Variants in FANCA observed in about 807,000 individuals in gnomAD.
FANCA encodes FA complementation group A.
A neutral mutation model predicts 194.3 loss-of-function variants in FANCA; 236 were observed. That is an observed-to-expected ratio of 1.21 (90% CI 1.09 to 1.35). The LOEUF is 1.35. Ranked by LOEUF, FANCA falls within the 40% of genes most tolerant of loss-of-function variation. The pLI is 0.00. For synonymous variants in FANCA, 1,014 were observed against 715.8 expected, an observed-to-expected ratio of 1.42 and a Z score of -6.65; for missense variants, 2,628 against 1,813.9, an observed-to-expected ratio of 1.45 and a Z score of -8.15.
In FANCA at chr16:89,782,097, C is replaced by T. The variant is rs865811457; in HGVS notation, c.1626+762G>A. Among the ~76,000 whole-genome samples, 17 of 151,982 alleles carry T rather than the reference C, an allele frequency of 1.1e-4. No individual in the cohort carries two copies. The Middle Eastern group carries it at 0.014, about 123-fold the overall frequency. ...GCTATAAAAACAGTTAACACTTGGC[C>T]AGGAGCAGTGGCTCACACCTATAAT... On this transcript the variant is annotated intron_variant, in intron 17 of 42. Transcript: ENST00000389301.
chr16:89,743,141 A>G lies in FANCA; in HGVS notation c.3627-203T>C, dbSNP rs2286392. On this transcript the variant is annotated intron_variant, in intron 36 of 42. Coordinates refer to ENST00000389301, the MANE Select transcript of FANCA (RefSeq NM_000135.4). ...GGGCAGGTGCTGGTGCTGCCCCCAC[A>G]GCATCCTGGCGTTCTGAGAGCTGCT... Among the ~76,000 whole-genome samples, 19,831 of 152,168 alleles carry G rather than the reference A, an allele frequency of 0.13. 1,615 individuals carry two copies. Among genetic ancestry groups the G allele is most frequent in the East Asian group, 0.22 (1,147 of 5,166 alleles).
At chr16:89,781,377 A>C (rs1337880706) in intron 17 of FANCA, among the ~76,000 whole-genome samples, 3 of 150,084 alleles carry the variant, frequency 2.0e-5, no homozygotes, top group South Asian at 2.1e-4. Context: ...AAAAAAAAAA[A>C]AAAAAAAAAC....
intron 28 of FANCA, among the ~76,000 whole-genome samples, chr16:89,763,750 T>C (rs2039029624): frequency 6.6e-6 from 1 of 151,014 alleles, no homozygotes; most frequent in African/African-American, 2.4e-5. Flanking sequence ...CAGCCTAACA[T>C]GGTGAAACCC....
chr16:89,776,231 G>T (rs1332912412), intron 20 of FANCA, among the ~76,000 whole-genome samples: 2 of 139,934 alleles, frequency 1.4e-5, no homozygotes, highest in South Asian at 4.6e-4. Flanking sequence ...GCAGTGGTGC[G>T]ATCTCGGCTC....
Position 89,778,964 on chromosome 16 carries a change from G to C in FANCA, c.1755C>G (p.Pro585=), listed in dbSNP as rs144704750. ...RRPYYVSHFL[P]ALLTPRVLPK... ...TGACCACTCGAGGTGTGAGCAGGGCGGGGAGGAAGTGGGACACGTAGTAAG... is the reference window on the plus strand; with the variant it reads ...TGACCACTCGAGGTGTGAGCAGGGCCGGGAGGAAGTGGGACACGTAGTAAG... The change falls in exon 19 of 43, where the codon CCC becomes CCG. Residue 585 remains proline (P), a synonymous_variant. Transcript: ENST00000389301. 4.6e-5 allele frequency: 74 copies of C among 1,614,108 alleles called. No individual in the cohort carries two copies. The African/African-American group carries it at 8.3e-4, about 18-fold the overall frequency.
At chr16:89,755,856 C>T (rs972848841) in intron 30 of FANCA, among the ~76,000 whole-genome samples, 2 of 151,980 alleles carry the variant, frequency 1.3e-5, no homozygotes, top group African/African-American at 2.4e-5. Flanking sequence ...CCACACGGCA[C>T]GGCCCACCGC....
At position 89,738,950 on chromosome 16, in the gene FANCA, T is replaced by C. The variant is rs2151710869; in HGVS notation, c.4192A>G (p.Lys1398Glu). 7.4e-6 allele frequency: 12 copies of C among 1,614,220 alleles called. No individual in the cohort carries two copies. The highest frequency in any genetic ancestry group is 1.0e-5 in the Non-Finnish European group (12 of 1,180,042). ...GQGNPVELIT[K>E]ARLFLLQLIP... ...AACTGCAGCAGAAAAAGACGAGCTT[T>C]TGTTATCAGTTCCACGGGGTTGCCC... Residue 1398 changes from lysine (K) to glutamate (E), a missense_variant, in exon 42 of 43, where the codon AAA becomes GAA. Lys to Glu is a moderately conservative substitution (Grantham distance 56). Transcript: ENST00000389301.
In FANCA at chr16:89,810,606, G is replaced by C. The variant is rs888527198; in HGVS notation, c.522+101C>G. ...ACTCTCTGTAATTAATGAGAAGCTTGGAGAATTCCCAAGAAAACCCAGGTA... is the reference window on the plus strand; with the variant it reads ...ACTCTCTGTAATTAATGAGAAGCTTCGAGAATTCCCAAGAAAACCCAGGTA... On this transcript the variant is annotated intron_variant, in intron 5 of 42. Transcript: ENST00000389301. 6.7e-5 allele frequency: 55 copies of C among 817,540 alleles called. No homozygotes were observed. The African/African-American group carries it at 7.9e-4, about 12-fold the overall frequency. The allele number at this position is 817,540 out of a possible 1,614,324, so 50.6% of individuals were successfully genotyped here.
rs1351681588 is a variant in FANCA, at chr16:89,746,868, C to T, written c.3371G>A (p.Gly1124Asp). 1.3e-6 allele frequency: 2 copies of T among 1,560,330 alleles called. No homozygotes were observed. The highest frequency in any genetic ancestry group is 1.2e-5 in the South Asian group (1 of 85,052). ...GGCAGTGATGTCCTGTGTCAGGGCA[C>T]CTCCGTGGGAGCAGAAGTTTCTCTG... ...SEMRNFCSHGGALTQDITAHF... is the reference protein window; with the variant it reads ...SEMRNFCSHGDALTQDITAHF... The change falls in exon 34 of 43, where the codon GGT becomes GAT. Residue 1124 changes from glycine (G) to aspartate (D), a missense_variant. Transcript: ENST00000389301.
chr16:89,750,808 CAGG>C (rs1471194835), intron 31 of FANCA, among the ~76,000 whole-genome samples: 6 of 152,062 alleles, frequency 3.9e-5, no homozygotes, highest in Non-Finnish European at 7.4e-5. Context: ...AAAAAAACAG[CAGG>C]AGGACACTCA....
chr16:89,761,431 A>AG (rs1567611892), intron 29 of FANCA, among the ~76,000 whole-genome samples: 1 of 151,570 alleles, frequency 6.6e-6, no homozygotes, highest in Non-Finnish European at 1.5e-5. Context: ...AAAAAAAAAA[A>AG]AAAAAAGAAA....
chr16:89,787,990 C>T (rs1052900544), intron 14 of FANCA, among the ~76,000 whole-genome samples: 2 of 151,758 alleles, frequency 1.3e-5, no homozygotes, highest in South Asian at 2.1e-4. Flanking sequence ...TCTCCTGCCT[C>T]GGCCTTCTGA....
intron 30 of FANCA, 99 bp downstream of exon 30, chr16:89,758,478 C>G: frequency 6.8e-7 from 1 of 1,466,534 alleles, no homozygotes; most frequent in Non-Finnish European, 9.5e-7. Context: ...CCACCCTAAG[C>G]TAATTAGATG....
At chr16:89,746,043 C>T (rs2038377589) in intron 35 of FANCA, among the ~76,000 whole-genome samples, 1 of 152,176 alleles carries the variant, frequency 6.6e-6, no homozygotes, top group South Asian at 2.1e-4. Flanking sequence ...CAGCTGTGGT[C>T]TTCAGGACTA....
chr16:89,769,979 C>T lies in FANCA; in HGVS notation c.2362G>A (p.Ala788Thr), dbSNP rs1036897594. ...GACCTGGACTCACCCAGGTGCACGG[C>T]CAGGGCAGCCAACCCCAGCACATGT... ...APHVLGLAAL[A>T]VHLGESRSAL... Residue 788 changes from alanine to threonine, a missense_variant, in exon 26 of 43, where the codon GCC becomes ACC. Coordinates refer to ENST00000389301, the MANE Select transcript of FANCA (RefSeq NM_000135.4). 2 of 1,613,934 alleles carry T rather than the reference C, an allele frequency of 1.2e-6. No individual in the cohort carries two copies. Among genetic ancestry groups the T allele is most frequent in the Non-Finnish European group, 1.7e-6 (2 of 1,180,014 alleles).
intron 14 of FANCA, among the ~76,000 whole-genome samples, chr16:89,789,940 G>C (rs529537421): frequency 5.9e-5 from 9 of 152,196 alleles, no homozygotes; most frequent in Non-Finnish European, 1.2e-4. Context: ...ATGGGCCCTG[G>C]ATCTTTATTT....
At chr16:89,771,308 A>C (rs1051030096) in intron 23 of FANCA, among the ~76,000 whole-genome samples, 1 of 152,050 alleles carries the variant, frequency 6.6e-6, no homozygotes, top group Non-Finnish European at 1.5e-5. Flanking sequence ...AAAATGCAGA[A>C]ATTAGCCGGG....
chr16:89,756,978 A>G (rs1418042111), intron 30 of FANCA, among the ~76,000 whole-genome samples: 5 of 152,094 alleles, frequency 3.3e-5, no homozygotes, highest in Admixed American at 2.6e-4. Context: ...TTATGGTGGA[A>G]GATTTGCTTT....
chr16:89,816,043 G>A (rs1276563405), intron 1 of FANCA, 57 bp from the exon 2 acceptor site: 3 of 1,341,512 alleles, frequency 2.2e-6, no homozygotes, highest in South Asian at 2.3e-5. Context: ...CGGGGTCCCC[G>A]GCCCGACGCG....
Sources: allele counts gnomAD v4.1 joint callset (sites outside exome capture counted in the v4.1 genomes callset), GRCh38; gene constraint gnomAD v4.1.1; transcripts MANE v1.5; gene names NCBI Gene and HGNC (gene_info 2026-07-23, HGNC 2026-07-21).